PDCD7: variants seen among roughly 807,000 people sequenced by gnomAD.
The protein encoded by PDCD7 is programmed cell death 7.
Under a neutral mutation model 42.1 loss-of-function variants are expected in PDCD7, and 40 were observed. The ratio of observed to expected loss-of-function variants is 0.95; its 90% CI spans 0.74 to 1.24. PDCD7 has a LOEUF of 1.24. Among genes scored for constraint, PDCD7 ranks in the 50% most tolerant of loss-of-function variants. PDCD7 has a pLI of 0.00. For missense variants in PDCD7, 644 were observed against 662.8 expected (o/e 0.97, Z 0.31); for synonymous variants, 299 against 303.3 (o/e 0.99, Z 0.15).
At chr15:65,122,076 T>A (rs911488262) in intron 2 of PDCD7, among the ~76,000 whole-genome samples, 2 of 152,198 alleles carry the variant, frequency 1.3e-5, no homozygotes, top group African/African-American at 4.8e-5. Context: ...GGCTCACACC[T>A]GTAAACCTAG....
At position 65,133,516 on chromosome 15, in the gene PDCD7, GGCA is replaced by G; in HGVS notation, c.263_265del (p.Leu88del). On this transcript the variant is annotated inframe_deletion, in exon 1 of 5. Transcript: ENST00000204549. ...GGGCCGACACTGGGGCGGCGGAGGA[GGCA>G]GCGGCGGTGGTGGCACCGGGTAGAA... 8.1e-7 allele frequency: 1 copy of G among 1,227,450 alleles called. No homozygotes were observed. The highest frequency in any genetic ancestry group is 1.0e-6 in the Non-Finnish European group (1 of 985,276). The allele number at this position is 1,227,450 out of a possible 1,614,324, so 76.0% of individuals were successfully genotyped here.
At chr15:65,126,585 C>G (rs1411081136) in intron 2 of PDCD7, among the ~76,000 whole-genome samples, 1 of 151,986 alleles carries the variant, frequency 6.6e-6, no homozygotes, top group African/African-American at 2.4e-5. Context: ...GAAACTCTAT[C>G]TCTACAAAAA....
intron 2 of PDCD7, among the ~76,000 whole-genome samples, chr15:65,124,917 A>G (rs2087483931): frequency 6.6e-6 from 1 of 152,158 alleles, no homozygotes; most frequent in African/African-American, 2.4e-5. Context: ...CATTGCCAAT[A>G]TATGTCAGCT....
At chr15:65,121,546 C>T (rs2087455194) in intron 2 of PDCD7, among the ~76,000 whole-genome samples, 1 of 152,206 alleles carries the variant, frequency 6.6e-6, no homozygotes, top group African/African-American at 2.4e-5. Flanking sequence ...GGAAGATACA[C>T]TTAAAACAAC....
At position 65,129,129 on chromosome 15, in the gene PDCD7, T is replaced by C; in HGVS notation, c.912A>G (p.Glu304=). 6.2e-7 allele frequency: 1 copy of C among 1,613,998 alleles called. No homozygotes were observed. The highest frequency in any genetic ancestry group is 1.7e-5 in the Admixed American group (1 of 60,024). ...LKAAADGVLS[E]VRKKQADTKR... is the part of the protein sequence containing the mutation. ...TGGTATCTGCTTGTTTTTTCCTCACTTCAGATAGTACGCCATCAGCGGCTG... is the reference window on the plus strand; with the variant it reads ...TGGTATCTGCTTGTTTTTTCCTCACCTCAGATAGTACGCCATCAGCGGCTG... The change falls in exon 2 of 5, where the codon GAA becomes GAG. Residue 304 remains glutamate, a synonymous_variant. Transcript: ENST00000204549.
chr15:65,128,500 T>C (rs777415004), intron 2 of PDCD7, among the ~76,000 whole-genome samples: 5 of 152,208 alleles, frequency 3.3e-5, no homozygotes, highest in Non-Finnish European at 5.9e-5. Context: ...CTGGCTATAG[T>C]GTCTGGTGCT....
chr15:65,128,889 C>A, intron 2 of PDCD7, 143 bp downstream of exon 2: 3 of 916,504 alleles, frequency 3.3e-6, no homozygotes, highest in Non-Finnish European at 5.0e-6. Flanking sequence ...GAAGTTCTGA[C>A]CTACTTGCTG....
In PDCD7 at chr15:65,133,746, T is replaced by C. The variant is rs2087564992; in HGVS notation, c.36A>G (p.Pro12=). 4 of 1,320,540 alleles carry C rather than the reference T, an allele frequency of 3.0e-6. No homozygotes were observed. The African/African-American group carries it at 4.6e-5, about 15-fold the overall frequency. The allele number at this position is 1,320,540 out of a possible 1,614,324, so 81.8% of individuals were successfully genotyped here. A position where few individuals can be genotyped will look rare whatever the true frequency, so the allele number is the denominator to read the frequency against. Residue 12 remains proline (P), a synonymous_variant, in exon 1 of 5, where the codon CCA becomes CCG. Coordinates refer to ENST00000204549, the MANE Select transcript of PDCD7 (RefSeq NM_005707.2). ...ALPPFFGQGR[P]GPPPPQPPPP... is the part of the protein sequence containing the mutation. ...GCGGCGGCTGCGGGGGCGGTGGGCC[T>C]GGGCGACCCTGGCCGAAGAATGGTG...
chr15:65,133,115 G>A lies in PDCD7; in HGVS notation c.667C>T (p.Leu223=), dbSNP rs1183229710. 1 of 1,546,886 alleles carries A rather than the reference G, an allele frequency of 6.5e-7. No individual in the cohort carries two copies. The highest frequency in any genetic ancestry group is 1.9e-5 in the Admixed American group (1 of 52,464). Residue 223 remains leucine (L), a synonymous_variant, in exon 1 of 5, where the codon CTA becomes TTA. Coordinates refer to ENST00000204549, the MANE Select transcript of PDCD7 (RefSeq NM_005707.2). ...TAGGCAGCCTGGGTCAACGGCTGTA[G>A]CCGCTCGGCCAGTTCCGCGCGCAGC... is the stretch of plus-strand genomic sequence containing the variant. ...APLRAELAER[L]QPLTQAAYVG...
intron 1 of PDCD7, among the ~76,000 whole-genome samples, chr15:65,130,089 C>G (rs1224569737): frequency 6.6e-6 from 1 of 150,972 alleles, no homozygotes; most frequent in African/African-American, 2.4e-5. Context: ...AGTAATCTGC[C>G]TGCCTCAGCC....
chr15:65,133,790 C>T lies in PDCD7; in HGVS notation c.-9G>A, dbSNP rs747904462. ...AATGGTGGCAGGGCCATGTTCACGA[C>T]GGAGATGCTTTGAGAAGTGACAGGA... On this transcript the variant is annotated 5_prime_UTR_variant, in exon 1 of 5. Transcript: ENST00000204549. 5 of 1,361,012 alleles carry T rather than the reference C, an allele frequency of 3.7e-6. No homozygotes were observed. Among genetic ancestry groups the T allele is most frequent in the East Asian group, 3.0e-5 (1 of 33,094 alleles). 84.3% of individuals were successfully genotyped at this position (1,361,012 alleles called of 1,614,324 possible).
intron 3 of PDCD7, 114 bp from the exon 4 acceptor site, chr15:65,119,577 G>T (rs1052396659): frequency 8.9e-5 from 108 of 1,217,758 alleles, no homozygotes; most frequent in Non-Finnish European, 1.3e-4. Flanking sequence ...TGTTCTATCT[G>T]TATCCATGAG....
In PDCD7 at chr15:65,133,431, G is replaced by A. The variant is rs1566973925; in HGVS notation, c.351C>T (p.Pro117=). The A allele has an allele frequency of 8.4e-7, 1 of 1,185,122 alleles. No homozygotes were observed. Among genetic ancestry groups the A allele is most frequent in the Non-Finnish European group, 1.0e-6 (1 of 958,034 alleles). The allele number at this position is 1,185,122 out of a possible 1,614,324, so 73.4% of individuals were successfully genotyped here. A position where few individuals can be genotyped will look rare whatever the true frequency, so the allele number is the denominator to read the frequency against. The change falls in exon 1 of 5, where the codon CCC becomes CCT. Residue 117 remains proline (P), a synonymous_variant. Coordinates refer to ENST00000204549, the MANE Select transcript of PDCD7 (RefSeq NM_005707.2). ...PRPPPPGPGP[P]WSPRWPEAPP... ...GCGCCTCAGGCCACCGCGGGCTCCA[G>A]GGCGGCCCCGGGCCGGGAGGCGGTG...
In PDCD7 at chr15:65,133,788, G is replaced by A. The variant is rs1306364057; in HGVS notation, c.-7C>T. On this transcript the variant is annotated 5_prime_UTR_variant, in exon 1 of 5. Coordinates refer to ENST00000204549, the MANE Select transcript of PDCD7 (RefSeq NM_005707.2). Reference sequence around the variant, plus strand: ...AGAATGGTGGCAGGGCCATGTTCACGACGGAGATGCTTTGAGAAGTGACAG... The same window carrying A: ...AGAATGGTGGCAGGGCCATGTTCACAACGGAGATGCTTTGAGAAGTGACAG... 1 of 1,361,162 alleles carries A rather than the reference G, an allele frequency of 7.3e-7. No individual in the cohort carries two copies. The highest frequency in any genetic ancestry group is 2.0e-5 in the South Asian group (1 of 50,570). 84.3% of individuals were successfully genotyped at this position (1,361,162 alleles called of 1,614,324 possible).
chr15:65,127,463 CAAAA>C (rs1464820018), intron 2 of PDCD7, among the ~76,000 whole-genome samples: 1 of 58,240 alleles, frequency 1.7e-5, no homozygotes, highest in Non-Finnish European at 3.4e-5. Flanking sequence ...GACTCCGTCT[CAAAA>C]AAAAAAAAAA....
chr15:65,126,183 G>T (rs1359639493), intron 2 of PDCD7, among the ~76,000 whole-genome samples: 2 of 152,140 alleles, frequency 1.3e-5, no homozygotes, highest in East Asian at 3.9e-4. Context: ...CTTTCCAGAA[G>T]GAAGCAGGGA....
chr15:65,117,861 T>C lies in PDCD7; in HGVS notation c.*856A>G, dbSNP rs2087420328. The C allele has an allele frequency of 6.6e-6, 1 of 152,204 alleles. No homozygotes were observed. The highest frequency in any genetic ancestry group is 1.5e-5 in the Non-Finnish European group (1 of 68,038). The allele number at this position is 152,204 out of a possible 1,614,324, so 9.4% of individuals were successfully genotyped here. ...AATTTTACTATTTTTATTTGCTTTT[T>C]CCCCTAGATTTGACTACATGGATAG... On this transcript the variant is annotated 3_prime_UTR_variant, in exon 5 of 5. Coordinates refer to ENST00000204549, the MANE Select transcript of PDCD7 (RefSeq NM_005707.2).
chr15:65,122,262 G>A (rs752129805), intron 2 of PDCD7, among the ~76,000 whole-genome samples: 32 of 152,108 alleles, frequency 2.1e-4, no homozygotes, highest in Admixed American at 1.3e-4. Flanking sequence ...CTTGAACCCA[G>A]GAGGTGGAGG....
chr15:65,121,632 C>T (rs1253405158), intron 2 of PDCD7, among the ~76,000 whole-genome samples: 2 of 152,142 alleles, frequency 1.3e-5, no homozygotes, highest in Non-Finnish European at 2.9e-5. Context: ...GCACTGAAAG[C>T]CCCAAGTCCC....
Sources: gnomAD v4.1 joint callset for allele counts (sites outside exome capture counted in the v4.1 genomes callset) on GRCh38, gnomAD v4.1.1 for gene constraint, MANE v1.5 for transcripts, NCBI Gene and HGNC (gene_info 2026-07-23, HGNC 2026-07-21) for gene names.